MAEL: variants seen among roughly 807,000 people sequenced by gnomAD.
The protein encoded by MAEL is maelstrom spermatogenic transposon silencer.
Under a neutral mutation model 62.0 loss-of-function variants are expected in MAEL, and 46 were observed. The observed-to-expected ratio is 0.74, with a 90% CI of 0.59 to 0.95. The LOEUF is 0.95. Ranked by LOEUF, MAEL falls within the 40% of genes least tolerant of loss-of-function variation. MAEL has a pLI of 0.00. For synonymous variants in MAEL, 172 were observed against 175.5 expected (o/e 0.98, Z 0.16); for missense variants, 497 against 526.8 (o/e 0.94, Z 0.55).
At chr1:166,982,745 A>AT (rs1418706027) in intron 1 of MAEL, among the ~76,000 whole-genome samples, 2 of 152,078 alleles carry the variant, frequency 1.3e-5, no homozygotes, top group Non-Finnish European at 2.9e-5. Flanking sequence ...GAGGCCCTGT[A>AT]AATCCTGTAT....
chr1:167,017,312 ATTAC>A (rs1665438572), intron 9 of MAEL, among the ~76,000 whole-genome samples: 1 of 152,126 alleles, frequency 6.6e-6, no homozygotes. Context: ...TGTACATCAT[ATTAC>A]TTTTATTTTC....
At chr1:167,009,500 A>G (rs1477138508) in intron 8 of MAEL, among the ~76,000 whole-genome samples, 1 of 151,434 alleles carries the variant, frequency 6.6e-6, no homozygotes, top group Non-Finnish European at 1.5e-5. Context: ...TACTGTTACT[A>G]GGCTATTTCT....
Position 167,014,316 on chromosome 1 carries a change from C to CT in MAEL, c.846-1903dup, listed in dbSNP as rs1665288735. Among the ~76,000 whole-genome samples the CT allele has an allele frequency of 2.0e-5, 3 of 152,334 alleles. 1 individual carries two copies. In the South Asian group the frequency reaches 6.2e-4, roughly 32 times the overall value. ...TAGTATTAAGAGATGCAGTTTTATACTTTATCACTTTAGAATAGTTTTTCT... is the reference window on the plus strand; with the variant it reads ...TAGTATTAAGAGATGCAGTTTTATACTTTTATCACTTTAGAATAGTTTTTCT... On this transcript the variant is annotated intron_variant, in intron 8 of 11. Transcript: ENST00000367872.
At chr1:167,007,593 G>C (rs1489095315) in intron 8 of MAEL, among the ~76,000 whole-genome samples, 1 of 77,352 alleles carries the variant, frequency 1.3e-5, no homozygotes, top group Non-Finnish European at 2.7e-5. Flanking sequence ...GTGTGTGTGT[G>C]TGTGTATGTA....
At position 166,989,422 on chromosome 1, in the gene MAEL, C is replaced by T; in HGVS notation, c.70C>T (p.Arg24Ter). The change falls in exon 1 of 12, where the codon CGA becomes TGA. Residue 24 changes from arginine (R) to a stop codon, truncating the protein, a stop_gained. Transcript: ENST00000367872. LOFTEE classifies it high-confidence loss of function. ...FVQEKIPELR[R>*]RGLPVARVAD... ...GCAGGAGAAGATCCCCGAACTACGG[C>T]GACGAGGCCTGCCTGTGGCTCGCGT... is the stretch of plus-strand genomic sequence containing the variant. The T allele has an allele frequency of 2.5e-6, 4 of 1,602,378 alleles. No homozygotes were observed. The highest frequency in any genetic ancestry group is 3.4e-6 in the Non-Finnish European group (4 of 1,174,756).
chr1:167,009,554 C>G (rs1338297626), intron 8 of MAEL, among the ~76,000 whole-genome samples: 1 of 150,430 alleles, frequency 6.6e-6, no homozygotes, highest in African/African-American at 2.4e-5. Context: ...TTTGGTGAGC[C>G]CTTTCAATAT....
In MAEL at chr1:166,999,912, C is replaced by T. The variant is rs116694070; in HGVS notation, c.524-4268C>T. Among the ~76,000 whole-genome samples, 364 of 152,106 alleles carry T rather than the reference C, an allele frequency of 2.4e-3. 1 individual carries two copies. The highest frequency in any genetic ancestry group is 8.4e-3 in the African/African-American group (349 of 41,508). ...CAAAGCCTAGAAGACAGCACATCTGCTTATTGCATGGTTTACTGAATATTT... is the reference window on the plus strand; with the variant it reads ...CAAAGCCTAGAAGACAGCACATCTGTTTATTGCATGGTTTACTGAATATTT... On this transcript the variant is annotated intron_variant, in intron 5 of 11. Transcript: ENST00000367872.
intron 1 of MAEL, among the ~76,000 whole-genome samples, chr1:166,977,026 A>C (rs1022648922): frequency 2.0e-5 from 3 of 152,202 alleles, no homozygotes; most frequent in Admixed American, 2.0e-4. Context: ...ATAAGAAACA[A>C]GGACAGTGGA....
intron 5 of MAEL, among the ~76,000 whole-genome samples, chr1:166,994,270 A>G (rs930245137): frequency 6.6e-6 from 1 of 152,102 alleles, no homozygotes; most frequent in Non-Finnish European, 1.5e-5. Flanking sequence ...TTTTCTTTTC[A>G]GGGAATTGTT....
intron 10 of MAEL, among the ~76,000 whole-genome samples, chr1:167,019,686 G>A (rs905142364): frequency 1.3e-5 from 2 of 151,984 alleles, no homozygotes; most frequent in African/African-American, 4.8e-5. Context: ...GTCCTTGATC[G>A]TGGCCTCCAG....
rs760773176 is a variant in MAEL, at chr1:167,005,281, C to T, written c.729C>T (p.Leu243=). 13 of 1,613,190 alleles carry T rather than the reference C, an allele frequency of 8.1e-6. No individual in the cohort carries two copies. Among genetic ancestry groups the T allele is most frequent in the Non-Finnish European group, 1.1e-5 (13 of 1,179,666 alleles). ...AAATCAGGCAAGATCTACAACTTCT[C>T]ACTGTAGAGGACCTTGTAGTGGGGA... The part of the protein sequence containing the change: ...ASEIRQDLQL[L]TVEDLVVGIY... Residue 243 remains leucine, a synonymous_variant, in exon 8 of 12, where the codon CTC becomes CTT. Coordinates refer to ENST00000367872, the MANE Select transcript of MAEL (RefSeq NM_032858.3).
chr1:166,995,001 A>G (rs1431117146), intron 5 of MAEL, among the ~76,000 whole-genome samples: 3 of 77,728 alleles, frequency 3.9e-5, no homozygotes, highest in Non-Finnish European at 5.1e-5. Context: ...TTTTTTGCTT[A>G]GAAACGTGGA....
At chr1:166,989,867 A>G (rs751317997) in intron 2 of MAEL, 38 bp downstream of exon 2, 3 of 1,496,846 alleles carry the variant, frequency 2.0e-6, no homozygotes, top group Non-Finnish European at 1.8e-6. Flanking sequence ...TCTGCCTGGC[A>G]CATAGGCATA....
Position 167,020,260 on chromosome 1 carries a change from A to G in MAEL, c.1042-825A>G, listed in dbSNP as rs929695604. Among the ~76,000 whole-genome samples, 8 of 152,084 alleles carry G rather than the reference A, an allele frequency of 5.3e-5. No homozygotes were observed. The South Asian group carries it at 1.0e-3, about 20-fold the overall frequency. ...CTTCCCAACTCAGATTCCTTGGCCT[A>G]TCTTTTCCACTGCCTTGCATGCACT... On this transcript the variant is annotated intron_variant, in intron 10 of 11. Transcript: ENST00000367872.
At chr1:166,986,337 A>G (rs138044458), upstream of MAEL, among the ~76,000 whole-genome samples, 406 of 152,324 alleles carry the variant, frequency 2.7e-3, 1 homozygote, top group African/African-American at 6.8e-3. Flanking sequence ...ATTATAGTTC[A>G]GTCATATCTA....
intron 8 of MAEL, 82 bp downstream of exon 8, chr1:167,005,479 T>G: frequency 8.4e-7 from 1 of 1,193,260 alleles, no homozygotes; most frequent in East Asian, 2.4e-5. Flanking sequence ...TTTTGCCTTT[T>G]TATGCAATAT....
intron 1 of MAEL, among the ~76,000 whole-genome samples, chr1:166,981,438 A>C (rs1423874205): frequency 1.3e-5 from 2 of 152,234 alleles, no homozygotes; most frequent in Non-Finnish European, 2.9e-5. Context: ...AAGATGAATG[A>C]ATCACAGCCC....
chr1:166,996,292 C>G (rs1004961734), intron 5 of MAEL, among the ~76,000 whole-genome samples: 1 of 152,232 alleles, frequency 6.6e-6, no homozygotes, highest in Non-Finnish European at 1.5e-5. Flanking sequence ...CTCTCAAATA[C>G]TCCTGTGCTG....
intron 10 of MAEL, among the ~76,000 whole-genome samples, chr1:167,018,552 A>G (rs1665491861): frequency 6.6e-6 from 1 of 152,100 alleles, no homozygotes; most frequent in South Asian, 2.1e-4. Flanking sequence ...AGGGGCTAGT[A>G]TTTGTTAGGA....
Sources: gnomAD v4.1 joint callset for allele counts (sites outside exome capture counted in the v4.1 genomes callset) on GRCh38, gnomAD v4.1.1 for gene constraint, MANE v1.5 for transcripts, NCBI Gene and HGNC (gene_info 2026-07-23, HGNC 2026-07-21) for gene names.